SIAE: variants seen among roughly 807,000 people sequenced by gnomAD.
The protein encoded by SIAE is sialic acid acetylesterase, also known as sialate O-acetylesterase.
In SIAE, 39 loss-of-function variants were observed where a neutral mutation model predicts 52.6. The ratio of observed to expected loss-of-function variants is 0.74; its 90% CI spans 0.57 to 0.97. The LOEUF (loss-of-function observed/expected upper bound fraction) is 0.97. Among genes scored for constraint, SIAE ranks in the 50% least tolerant of loss-of-function variants. The pLI is 0.00. For synonymous variants in SIAE, 233 were observed against 241.4 expected, an observed-to-expected ratio of 0.97 and a Z score of 0.32; for missense variants, 592 against 662.1, an observed-to-expected ratio of 0.89 and a Z score of 1.16.
At position 124,636,985 on chromosome 11, in the gene SIAE, T is replaced by C; in HGVS notation, c.1538A>G (p.Gln513Arg). The change falls in exon 10 of 10, where the codon CAG (glutamine) becomes CGG (arginine). Residue 513 changes from glutamine to arginine, a missense_variant. Coordinates refer to ENST00000263593, the MANE Select transcript of SIAE (RefSeq NM_170601.5). ...AACATTGCTCTGATGTCCAGGACCC[T>C]GGTCTGTAATGAAAGCAATGAAGGG... ...APPFIAFITDQGPGHQSNVAK is the reference protein window; with the variant it reads ...APPFIAFITDRGPGHQSNVAK 2.5e-6 allele frequency: 4 copies of C among 1,614,222 alleles called. No individual in the cohort carries two copies. The highest frequency in any genetic ancestry group is 3.4e-6 in the Non-Finnish European group (4 of 1,180,038).
At chr11:124,655,668 C>T (rs1335250636) in intron 3 of SIAE, among the ~76,000 whole-genome samples, 1 of 152,074 alleles carries the variant, frequency 6.6e-6, no homozygotes, top group Non-Finnish European at 1.5e-5. Flanking sequence ...AATGCATATA[C>T]AGTTATCCTT....
intron 8 of SIAE, 139 bp downstream of exon 8, chr11:124,639,571 G>T: frequency 9.7e-7 from 1 of 1,028,112 alleles, no homozygotes; most frequent in Non-Finnish European, 1.5e-6. Flanking sequence ...GGTGTTTGCT[G>T]TTGTTACTGC....
In SIAE at chr11:124,647,585, AG is replaced by A. The variant is rs1942958726; in HGVS notation, c.833-88del. ...CTCTCCTCCCTCCATCCATGCCCTGAGGTAGTGGTCTTCCCACGGTCTCTCT... is the reference window on the plus strand; with the variant it reads ...CTCTCCTCCCTCCATCCATGCCCTGAGTAGTGGTCTTCCCACGGTCTCTCT... On this transcript the variant is annotated intron_variant, in intron 6 of 9. Transcript: ENST00000263593. The A allele has an allele frequency of 4.0e-6, 6 of 1,513,254 alleles. No homozygotes were observed. In the Admixed American group the frequency reaches 6.8e-5, roughly 17 times the overall value. 93.7% of individuals were successfully genotyped at this position (1,513,254 alleles called of 1,614,324 possible).
At chr11:124,669,310 A>G (rs1943315878) in intron 2 of SIAE, 50 bp downstream of exon 2, 1 of 1,606,276 alleles carries the variant, frequency 6.2e-7, no homozygotes, top group Non-Finnish European at 8.5e-7. Context: ...CAGATAATCC[A>G]GCAGGTGGCA....
At chr11:124,660,487 C>G (rs779647621) in intron 3 of SIAE, 141 bp downstream of exon 3, 1 of 801,592 alleles carries the variant, frequency 1.2e-6, no homozygotes, top group Non-Finnish European at 2.1e-6. Flanking sequence ...TGAATTCATT[C>G]AAAGCATTTA....
chr11:124,644,500 T>C (rs900501450), intron 7 of SIAE, among the ~76,000 whole-genome samples: 3 of 152,148 alleles, frequency 2.0e-5, no homozygotes, highest in East Asian at 1.9e-4. Context: ...CACTATTATA[T>C]ACTCGCCACA....
At chr11:124,644,579 C>T (rs917034211) in intron 7 of SIAE, among the ~76,000 whole-genome samples, 1 of 152,190 alleles carries the variant, frequency 6.6e-6, no homozygotes, top group Non-Finnish European at 1.5e-5. Flanking sequence ...CAGTGGGGCG[C>T]TAATCCGTCT....
chr11:124,661,216 A>G (rs374991368), intron 2 of SIAE, among the ~76,000 whole-genome samples: 3 of 152,282 alleles, frequency 2.0e-5, no homozygotes, highest in East Asian at 1.9e-4. Flanking sequence ...ATGTGACCAC[A>G]GGGTATAGAA....
intron 4 of SIAE, among the ~76,000 whole-genome samples, chr11:124,652,244 C>A (rs1180733761): frequency 6.6e-6 from 1 of 152,116 alleles, no homozygotes; most frequent in Non-Finnish European, 1.5e-5. Context: ...GGCTGTGTTA[C>A]CTTGCATGGC....
chr11:124,664,467 C>A (rs981073822), intron 2 of SIAE, among the ~76,000 whole-genome samples: 2 of 152,112 alleles, frequency 1.3e-5, no homozygotes, highest in African/African-American at 4.8e-5. Context: ...ATCTCCTGAC[C>A]TTGTGATCCA....
chr11:124,642,597 G>A (rs1431975515), intron 7 of SIAE, among the ~76,000 whole-genome samples: 1 of 152,230 alleles, frequency 6.6e-6, no homozygotes, highest in Non-Finnish European at 1.5e-5. Context: ...GGGTATGTTA[G>A]GCGGATGACC....
At position 124,669,747 on chromosome 11, in the gene SIAE, A is replaced by T. The variant is rs1440938572; in HGVS notation, c.68-226T>A. The T allele has an allele frequency of 5.6e-6, 3 of 532,040 alleles. No homozygotes were observed. The African/African-American group carries it at 5.7e-5, about 10-fold the overall frequency. The allele number at this position is 532,040 out of a possible 1,614,324, so 33.0% of individuals were successfully genotyped here. A position where few individuals can be genotyped will look rare whatever the true frequency, so the allele number is the denominator to read the frequency against. ...ATAGCACATGATGACCACTAAGGAA[A>T]ATTCCCAGAGCCCAAGGCAACCAAT... On this transcript the variant is annotated intron_variant, in intron 1 of 9. Transcript: ENST00000263593.
chr11:124,636,889 T>G lies in SIAE; in HGVS notation c.*62A>C. Reference sequence around the variant, plus strand: ...TAAAAGCAATGGTTATTATTGAAACTCCTAAATGCTAAAATCTGAAGGACC... The same window carrying G: ...TAAAAGCAATGGTTATTATTGAAACGCCTAAATGCTAAAATCTGAAGGACC... On this transcript the variant is annotated 3_prime_UTR_variant, in exon 10 of 10. Transcript: ENST00000263593. 1 of 1,610,120 alleles carries G rather than the reference T, an allele frequency of 6.2e-7. No homozygotes were observed. Among genetic ancestry groups the G allele is most frequent in the Non-Finnish European group, 8.5e-7 (1 of 1,177,338 alleles).
At chr11:124,662,954 G>C (rs937840269) in intron 2 of SIAE, among the ~76,000 whole-genome samples, 1 of 151,854 alleles carries the variant, frequency 6.6e-6, no homozygotes. Context: ...AGAACAGCCT[G>C]GCCAACATGG....
intron 8 of SIAE, among the ~76,000 whole-genome samples, chr11:124,639,244 C>A (rs1397559032): frequency 1.3e-5 from 2 of 152,332 alleles, no homozygotes; most frequent in African/African-American, 4.8e-5. Context: ...TTCCCTGGGG[C>A]TGATCACAGG....
chr11:124,639,376 T>C (rs1317320674), intron 8 of SIAE, among the ~76,000 whole-genome samples: 1 of 152,232 alleles, frequency 6.6e-6, no homozygotes, highest in African/African-American at 2.4e-5. Context: ...AAATGACTTG[T>C]GTGGAAGCAC....
At chr11:124,660,586 A>T (rs1316325467) in intron 3 of SIAE, 42 bp downstream of exon 3, 1 of 1,607,254 alleles carries the variant, frequency 6.2e-7, no homozygotes, top group Admixed American at 1.7e-5. Flanking sequence ...TTCCTTCTTC[A>T]TCACCAACAC....
At chr11:124,676,289 C>T (rs1223517613), upstream of SIAE, 1 of 152,208 alleles carries the variant, frequency 6.6e-6, no homozygotes, top group Non-Finnish European at 1.5e-5. Flanking sequence ...CACTGCACTC[C>T]ATCCTGGGCA....
Position 124,648,127 on chromosome 11 carries a change from G to A in SIAE, c.771C>T (p.Leu257=). 1 of 1,614,084 alleles carries A rather than the reference G, an allele frequency of 6.2e-7. No individual in the cohort carries two copies. Among genetic ancestry groups the A allele is most frequent in the South Asian group, 1.1e-5 (1 of 91,078 alleles). The change falls in exon 6 of 10, where the codon CTC becomes CTT. Residue 257 remains leucine (L), a synonymous_variant. Transcript: ENST00000263593. ...SVTGPSKHSV[L]WNAMIHPLCN... ...ACAGTGGATGGATCATGGCATTCCA[G>A]AGAACAGAGTGCTTACTGGGACCAG...
Sources: allele counts gnomAD v4.1 joint callset (sites outside exome capture counted in the v4.1 genomes callset), GRCh38; gene constraint gnomAD v4.1.1; transcripts MANE v1.5; gene names NCBI Gene and HGNC (gene_info 2026-07-23, HGNC 2026-07-21).